Variants in MAGI2 observed in about 807,000 individuals in gnomAD.
The protein encoded by MAGI2 is membrane-associated guanylate kinase, WW and PDZ domain-containing protein 2.
MAGI2 carries 35 observed loss-of-function variants against 133.3 expected under a neutral mutation model. The ratio of observed to expected loss-of-function variants is 0.26; its 90% CI spans 0.20 to 0.35. The LOEUF (loss-of-function observed/expected upper bound fraction) is 0.35, where lower values mean the gene tolerates loss of function less well. Among genes scored for constraint, MAGI2 ranks in the 10% least tolerant of loss-of-function variants. MAGI2 has a pLI of 1.00. For missense variants in MAGI2, 1,636 were observed against 1,863.4 expected, an observed-to-expected ratio of 0.88 and a Z score of 2.25; for synonymous variants, 729 against 710.6, an observed-to-expected ratio of 1.03 and a Z score of -0.41.
chr7:79,004,088 C>G (rs983695687), intron 2 of MAGI2, among the ~76,000 whole-genome samples: 1 of 152,100 alleles, frequency 6.6e-6, no homozygotes, highest in African/African-American at 2.4e-5. Flanking sequence ...GTTCAGTAAT[C>G]CCACTACTGG....
chr7:78,178,356 A>G (rs990302632), intron 13 of MAGI2, among the ~76,000 whole-genome samples: 2 of 152,174 alleles, frequency 1.3e-5, no homozygotes, highest in African/African-American at 4.8e-5. Flanking sequence ...AGAGTACATG[A>G]ATTTTCTGAG....
intron 2 of MAGI2, among the ~76,000 whole-genome samples, chr7:78,906,191 C>T (rs758456835): frequency 5.9e-5 from 9 of 152,186 alleles, no homozygotes; most frequent in African/African-American, 4.8e-5. Context: ...TATGTGGGCC[C>T]TGAAGTGTCT....
At chr7:78,640,615 A>G (rs1382225243) in intron 2 of MAGI2, among the ~76,000 whole-genome samples, 1 of 139,632 alleles carries the variant, frequency 7.2e-6, no homozygotes, top group Non-Finnish European at 1.6e-5. Context: ...AATACAAAAC[A>G]GAGGGGTGAA....
intron 3 of MAGI2, among the ~76,000 whole-genome samples, chr7:78,598,533 T>C (rs560859180): frequency 2.6e-5 from 4 of 152,298 alleles, no homozygotes; most frequent in African/African-American, 9.6e-5. Flanking sequence ...CTTAAGAACT[T>C]TGAACTTCAT....
At chr7:78,582,249 C>T (rs1055919599) in intron 3 of MAGI2, among the ~76,000 whole-genome samples, 1 of 152,102 alleles carries the variant, frequency 6.6e-6, no homozygotes, top group Admixed American at 6.5e-5. Context: ...AACCAGTCTT[C>T]AGGTATAAGG....
chr7:78,834,259 A>G (rs561027904), intron 2 of MAGI2, among the ~76,000 whole-genome samples: 1 of 152,306 alleles, frequency 6.6e-6, no homozygotes, highest in East Asian at 1.9e-4. Context: ...GATTTTTAAT[A>G]TATTTCACAA....
intron 16 of MAGI2, among the ~76,000 whole-genome samples, chr7:78,146,173 T>G (rs1336255446): frequency 2.0e-5 from 3 of 152,124 alleles, no homozygotes; most frequent in Admixed American, 6.6e-5. Flanking sequence ...TATTTTAGGT[T>G]CTGGGCCTCC....
chr7:79,287,072 T>C (rs1836064847), intron 1 of MAGI2, among the ~76,000 whole-genome samples: 2 of 152,094 alleles, frequency 1.3e-5, no homozygotes, highest in Non-Finnish European at 2.9e-5. Context: ...TGCAGGAGTT[T>C]CCTATCTGTG....
At chr7:78,629,578 T>A (rs939497652) in intron 2 of MAGI2, among the ~76,000 whole-genome samples, 1 of 152,130 alleles carries the variant, frequency 6.6e-6, no homozygotes, top group Non-Finnish European at 1.5e-5. Flanking sequence ...TTAACCCCCA[T>A]GTTCACTGTT....
At chr7:78,793,311 G>A (rs1041144924) in intron 2 of MAGI2, among the ~76,000 whole-genome samples, 2 of 152,182 alleles carry the variant, frequency 1.3e-5, no homozygotes, top group African/African-American at 4.8e-5. Context: ...CTTCCCAAAA[G>A]AATATTTGGC....
At chr7:78,433,076 A>T (rs1799950964) in intron 6 of MAGI2, among the ~76,000 whole-genome samples, 1 of 152,108 alleles carries the variant, frequency 6.6e-6, no homozygotes, top group African/African-American at 2.4e-5. Flanking sequence ...AAGTCCAAAG[A>T]TAGAAGGTGG....
chr7:78,878,859 T>C (rs1331001354), intron 2 of MAGI2, among the ~76,000 whole-genome samples: 1 of 152,156 alleles, frequency 6.6e-6, no homozygotes, highest in Non-Finnish European at 1.5e-5. Flanking sequence ...ATAGTTCCTT[T>C]GCATAGATCA....
chr7:78,686,316 C>T (rs886976548), intron 2 of MAGI2, among the ~76,000 whole-genome samples: 2 of 152,162 alleles, frequency 1.3e-5, no homozygotes, highest in African/African-American at 4.8e-5. Flanking sequence ...TCTCTGACAA[C>T]TCCAAATGGC....
intron 1 of MAGI2, among the ~76,000 whole-genome samples, chr7:79,224,348 C>T (rs763633328): frequency 2.0e-5 from 3 of 151,936 alleles, no homozygotes; most frequent in East Asian, 1.9e-4. Flanking sequence ...GGTCTTGGCC[C>T]GTCTTTTTGC....
chr7:78,020,101 C>T (rs1808217032), intron 21 of MAGI2, 125 bp from the exon 22 acceptor site: 2 of 759,526 alleles, frequency 2.6e-6, no homozygotes, highest in Admixed American at 3.4e-5. Context: ...ACCGCCGCCC[C>T]CACCCCCACC....
At chr7:79,145,329 T>G (rs980700256) in intron 1 of MAGI2, among the ~76,000 whole-genome samples, 2 of 152,214 alleles carry the variant, frequency 1.3e-5, no homozygotes, top group African/African-American at 4.8e-5. Context: ...TTCATTTCTC[T>G]AATACATCAT....
chr7:78,939,180 G>C (rs1436904028), intron 2 of MAGI2, among the ~76,000 whole-genome samples: 1 of 152,066 alleles, frequency 6.6e-6, no homozygotes, highest in Admixed American at 6.5e-5. Context: ...TTTTAGTAGA[G>C]ATGGGGTTCC....
At chr7:79,440,919 G>C (rs1012790468) in intron 1 of MAGI2, among the ~76,000 whole-genome samples, 1 of 152,156 alleles carries the variant, frequency 6.6e-6, no homozygotes, top group Non-Finnish European at 1.5e-5. Context: ...CATGACTACT[G>C]TGGCTTCAGG....
chr7:78,630,770 TC>T (rs1357055176), intron 2 of MAGI2, among the ~76,000 whole-genome samples: 1 of 152,216 alleles, frequency 6.6e-6, no homozygotes, highest in African/African-American at 2.4e-5. Flanking sequence ...CATTTTCCAT[TC>T]ATTAATCATT....
Sources: allele counts gnomAD v4.1 joint callset (sites outside exome capture counted in the v4.1 genomes callset), GRCh38; gene constraint gnomAD v4.1.1; transcripts MANE v1.5; gene names NCBI Gene and HGNC (gene_info 2026-07-23, HGNC 2026-07-21).